The following KIAA0930 variants were observed in gnomAD, a reference collection of about 807,000 sequenced individuals.
KIAA0930 encodes the protein uncharacterized protein KIAA0930.
KIAA0930 carries 24 observed loss-of-function variants against 43.9 expected under a neutral mutation model. The ratio of observed to expected loss-of-function variants is 0.55; its 90% CI spans 0.40 to 0.77. The LOEUF is 0.77. KIAA0930 is among the 30% of genes least tolerant of loss of function. The pLI, the probability that KIAA0930 is intolerant of heterozygous loss-of-function variation, is 0.00. For synonymous variants in KIAA0930, 259 were observed against 216.4 expected (o/e 1.20, Z -1.73); for missense variants, 461 against 574.2 (o/e 0.80, Z 2.02).
chr22:45,197,920 C>T lies in KIAA0930; in HGVS notation c.1044G>A (p.Arg348=). The T allele has an allele frequency of 6.2e-7, 1 of 1,614,184 alleles. No individual in the cohort carries two copies. ...GTCCTGTGCCCGACAGGGACCGAGA[C>T]CGCAGGTTGGTTGCATTGTGCAGAT... The part of the protein sequence containing the change: ...GADLHNATNL[R]SRSLSGTGRS... Residue 348 remains arginine (R), a synonymous_variant, in exon 9 of 10, where the codon CGG becomes CGA. Coordinates refer to ENST00000336156, the MANE Select transcript of KIAA0930 (RefSeq NM_001009880.2).
At chr22:45,202,925 G>A (rs2083602100) in intron 7 of KIAA0930, 65 bp downstream of exon 7, 22 of 1,382,104 alleles carry the variant, frequency 1.6e-5, no homozygotes, top group East Asian at 1.2e-4. Context: ...CCGTGAGCAC[G>A]GGGGAGACGG....
rs184906746 is a variant in KIAA0930 at position 45,227,834 on chromosome 22, G to A, written c.64+12806C>T. On this transcript the variant is annotated intron_variant, in intron 1 of 9. Coordinates refer to ENST00000336156, the MANE Select transcript of KIAA0930 (RefSeq NM_001009880.2). ...TGTACCCTAAAGCAGAAGCAGCTCC[G>A]GCTGGGGCGGATCCATCGGGGTTTG... Among the ~76,000 whole-genome samples the A allele has an allele frequency of 5.6e-4, 86 of 152,306 alleles. 2 individuals carry two copies. In the East Asian group the frequency reaches 0.012, roughly 21 times the overall value.
At chr22:45,213,927 T>C (rs1314857061) in intron 1 of KIAA0930, among the ~76,000 whole-genome samples, 1 of 152,088 alleles carries the variant, frequency 6.6e-6, no homozygotes, top group Non-Finnish European at 1.5e-5. Flanking sequence ...GGAAGATCAC[T>C]TGAACCTGGG....
Position 45,205,727 on chromosome 22 carries a change from A to G in KIAA0930, c.337-20T>C. 6.2e-7 allele frequency: 1 copy of G among 1,613,960 alleles called. No individual in the cohort carries two copies. Among genetic ancestry groups the G allele is most frequent in the Non-Finnish European group, 8.5e-7 (1 of 1,179,866 alleles). ...GTCCAGCTGGAAGAGAGCACGGGTC[A>G]GCGTGCAGGGAGGGGTCAGCCATCC... On this transcript the variant is annotated intron_variant, in intron 3 of 9. Coordinates refer to ENST00000336156, the MANE Select transcript of KIAA0930 (RefSeq NM_001009880.2).
rs1035136703 is a variant in KIAA0930, at chr22:45,203,126, T to C, written c.716A>G (p.Asn239Ser). Residue 239 changes from asparagine (N) to serine (S), a missense_variant, in exon 7 of 10, where the codon AAC (asparagine) becomes AGC (serine). By Grantham distance (46) the Asn-to-Ser change is conservative. Transcript: ENST00000336156. ...KMSFGFYKYS[N>S]MEFVRMKGPQ... ...GCCCTTCATGCGCACAAACTCCATG[T>C]TGCTGTACTTGTAGAAGCCAAACGA... 1.2e-6 allele frequency: 2 copies of C among 1,613,520 alleles called. No homozygotes were observed. Among genetic ancestry groups the C allele is most frequent in the Non-Finnish European group, 1.7e-6 (2 of 1,179,746 alleles).
chr22:45,210,273 A>G (rs1353782065), intron 2 of KIAA0930, among the ~76,000 whole-genome samples: 7 of 152,204 alleles, frequency 4.6e-5, no homozygotes, highest in Admixed American at 4.6e-4. Context: ...GGACGGAGGC[A>G]GGGGTGGGGT....
At chr22:45,212,326 A>G (rs768824690) in intron 1 of KIAA0930, 1 of 1,612,466 alleles carries the variant, frequency 6.2e-7, no homozygotes, top group South Asian at 1.1e-5. Flanking sequence ...TCCACTCAGC[A>G]GCAGCCTGAG....
chr22:45,219,790 C>T (rs973958393), intron 1 of KIAA0930, among the ~76,000 whole-genome samples: 12 of 151,956 alleles, frequency 7.9e-5, no homozygotes, highest in African/African-American at 2.9e-4. Flanking sequence ...CAGGTTTCAC[C>T]ATGTTGCCCA....
At chr22:45,200,570 C>T (rs1220155797) in intron 7 of KIAA0930, among the ~76,000 whole-genome samples, 1 of 152,198 alleles carries the variant, frequency 6.6e-6, no homozygotes, top group Admixed American at 6.5e-5. Flanking sequence ...TCAGGGCTGA[C>T]GTGGCCCCAT....
intron 7 of KIAA0930, chr22:45,200,932 T>C: frequency 2.1e-6 from 1 of 487,292 alleles, no homozygotes; most frequent in Non-Finnish European, 4.3e-6. Flanking sequence ...AGCTGGGTCT[T>C]GAAGGACGAG....
At chr22:45,229,809 G>A (rs1040365907) in intron 1 of KIAA0930, among the ~76,000 whole-genome samples, 12 of 152,346 alleles carry the variant, frequency 7.9e-5, no homozygotes, top group African/African-American at 1.4e-4. Flanking sequence ...AGGTGTGAAC[G>A]TGGGCCAGGT....
rs1035419277 is a variant in KIAA0930 at position 45,199,862 on chromosome 22, T to C, written c.1015+11A>G. 1.3e-6 allele frequency: 2 copies of C among 1,552,214 alleles called. No homozygotes were observed. The highest frequency in any genetic ancestry group is 1.7e-6 in the Non-Finnish European group (2 of 1,143,158). ...GGCACGGGGACCCTAGGGCACGGAGTGGGGGGTCACCTCCACCGTCGTCCT... is the reference window on the plus strand; with the variant it reads ...GGCACGGGGACCCTAGGGCACGGAGCGGGGGGTCACCTCCACCGTCGTCCT... On this transcript the variant is annotated intron_variant, in intron 8 of 9. Coordinates refer to ENST00000336156, the MANE Select transcript of KIAA0930 (RefSeq NM_001009880.2).
intron 1 of KIAA0930, among the ~76,000 whole-genome samples, chr22:45,214,324 A>C (rs2083718148): frequency 6.6e-6 from 1 of 152,234 alleles, no homozygotes; most frequent in African/African-American, 2.4e-5. Flanking sequence ...CTGGTACACA[A>C]ATGTTCACAG....
intron 2 of KIAA0930, 66 bp downstream of exon 2, chr22:45,211,890 C>A: frequency 6.6e-7 from 1 of 1,525,048 alleles, no homozygotes; most frequent in South Asian, 1.2e-5. Flanking sequence ...CACATGTACA[C>A]CGAGAGCAGA....
At chr22:45,215,000 T>C (rs2083722655) in intron 1 of KIAA0930, among the ~76,000 whole-genome samples, 1 of 152,086 alleles carries the variant, frequency 6.6e-6, no homozygotes, top group African/African-American at 2.4e-5. Context: ...GGCAGATCAC[T>C]GGAGGTCAGG....
chr22:45,216,281 C>A (rs920395926), intron 1 of KIAA0930, among the ~76,000 whole-genome samples: 5 of 152,156 alleles, frequency 3.3e-5, no homozygotes, highest in African/African-American at 1.2e-4. Context: ...CCTCTCTGAC[C>A]CTCAGTGGTT....
At chr22:45,206,054 T>C in intron 2 of KIAA0930, 142 bp from the exon 3 acceptor site, 1 of 1,406,394 alleles carries the variant, frequency 7.1e-7, no homozygotes, top group Non-Finnish European at 9.6e-7. Flanking sequence ...CTCACACCGC[T>C]GCCCAGGCTA....
chr22:45,200,480 C>T (rs1475129526), intron 7 of KIAA0930, among the ~76,000 whole-genome samples: 4 of 152,174 alleles, frequency 2.6e-5, no homozygotes, highest in Admixed American at 2.6e-4. Context: ...GACCGAGACC[C>T]TGGCTTGCCT....
chr22:45,216,036 AAC>A (rs1491227855), intron 1 of KIAA0930, among the ~76,000 whole-genome samples: 178 of 151,938 alleles, frequency 1.2e-3, no homozygotes, highest in Admixed American at 3.5e-3. Flanking sequence ...TCAAAAAAAA[AAC>A]AAAAGAAAGG....
Sources: gnomAD v4.1 joint callset for allele counts (sites outside exome capture counted in the v4.1 genomes callset) on GRCh38, gnomAD v4.1.1 for gene constraint, MANE v1.5 for transcripts, NCBI Gene and HGNC (gene_info 2026-07-23, HGNC 2026-07-21) for gene names.